Variants in PCDHA7 observed in about 807,000 individuals in gnomAD.
The protein encoded by PCDHA7 is protocadherin alpha 7.
Under a neutral mutation model 57.2 loss-of-function variants are expected in PCDHA7, and 37 were observed. The ratio of observed to expected loss-of-function variants is 0.65; its 90% CI spans 0.50 to 0.85. The LOEUF (loss-of-function observed/expected upper bound fraction) is 0.85, where lower values mean the gene tolerates loss of function less well. Among genes scored for constraint, PCDHA7 ranks in the 40% least tolerant of loss-of-function variants. The pLI is 0.00. For synonymous variants in PCDHA7, 553 were observed against 558.8 expected (o/e 0.99, Z 0.15); for missense variants, 1,188 against 1,241.8 (o/e 0.96, Z 0.65).
At chr5:140,866,711 G>A (rs1554160494) in intron 1 of PCDHA7, 1 of 152,110 alleles carries the variant, frequency 6.6e-6, no homozygotes, top group African/African-American at 2.4e-5. Flanking sequence ...ACGTGCACTA[G>A]TAAGACATTA....
intron 1 of PCDHA7, chr5:140,852,664 G>A (rs1307508258): frequency 4.1e-6 from 4 of 964,750 alleles, no homozygotes; most frequent in African/African-American, 1.8e-5. Flanking sequence ...CTGTCTATCA[G>A]CACAACTCAC....
chr5:140,873,785 C>T (rs1035020245), intron 1 of PCDHA7, among the ~76,000 whole-genome samples: 2 of 152,146 alleles, frequency 1.3e-5, no homozygotes, highest in Non-Finnish European at 2.9e-5. Flanking sequence ...CTCAGCTTTC[C>T]GAGAAGCTGG....
intron 1 of PCDHA7, chr5:140,858,620 C>G: frequency 1.8e-6 from 2 of 1,142,316 alleles, no homozygotes; most frequent in East Asian, 5.1e-5. Flanking sequence ...TTATCCTACC[C>G]AGTGTGTCAG....
chr5:140,851,638 T>A (rs2042116024), intron 1 of PCDHA7: 2 of 915,858 alleles, frequency 2.2e-6, no homozygotes, highest in Non-Finnish European at 2.7e-6. Context: ...AAGTGTTTCC[T>A]TTCTTCAAGA....
intron 1 of PCDHA7, among the ~76,000 whole-genome samples, chr5:140,915,155 G>T (rs941034401): frequency 1.3e-5 from 2 of 151,934 alleles, no homozygotes; most frequent in Non-Finnish European, 2.9e-5. Flanking sequence ...CACCATGTTG[G>T]CCAGGATAGT....
intron 1 of PCDHA7, chr5:140,928,753 G>A (rs782483181): frequency 1.2e-6 from 2 of 1,614,142 alleles, no homozygotes; most frequent in Non-Finnish European, 8.5e-7. Flanking sequence ...GCTCCGTACT[G>A]CTCGCTTAGT....
chr5:140,915,626 GTC>G (rs57920489), intron 1 of PCDHA7, among the ~76,000 whole-genome samples: 12,146 of 145,794 alleles, frequency 0.083, 491 homozygotes, highest in Middle Eastern at 0.12. Context: ...GTCTCTTTCT[GTC>G]TCTCTCTCTC....
intron 1 of PCDHA7, among the ~76,000 whole-genome samples, chr5:140,971,538 C>T (rs1162304462): frequency 6.6e-6 from 1 of 152,122 alleles, no homozygotes; most frequent in African/African-American, 2.4e-5. Flanking sequence ...GTCATCATTG[C>T]CAGATCAACC....
At chr5:140,884,044 G>A (rs374333847) in intron 1 of PCDHA7, 16 of 1,613,358 alleles carry the variant, frequency 9.9e-6, no homozygotes, top group Non-Finnish European at 1.4e-5. Context: ...ACGTGGTGGC[G>A]AAGGTGCGCG....
At chr5:140,861,618 C>T (rs1035938345) in intron 1 of PCDHA7, 1 of 340,802 alleles carries the variant, frequency 2.9e-6, no homozygotes, top group Non-Finnish European at 6.0e-6. Flanking sequence ...AGACAACCTG[C>T]CAGTGTTCTC....
intron 1 of PCDHA7, chr5:140,863,395 G>A: frequency 1.1e-6 from 1 of 921,404 alleles, no homozygotes; most frequent in Non-Finnish European, 1.7e-6. Flanking sequence ...GTGCATGCCG[G>A]GCAAGCCCAC....
Position 140,927,758 on chromosome 5 carries a change from A to C in PCDHA7, c.2356-51191A>C, listed in dbSNP as rs781942462. 3 of 1,614,170 alleles carry C rather than the reference A, an allele frequency of 1.9e-6. No individual in the cohort carries two copies. In the South Asian group the frequency reaches 3.3e-5, roughly 18 times the overall value. Reference sequence around the variant, plus strand: ...CGACACCGCTTTCACGTGCACCCTAAAAGTGGGGAGGTGCAAGTAGCTGCT... The same window carrying C: ...CGACACCGCTTTCACGTGCACCCTACAAGTGGGGAGGTGCAAGTAGCTGCT... On this transcript the variant is annotated intron_variant, in intron 1 of 3. Transcript: ENST00000525929.
At chr5:140,869,099 A>G in intron 1 of PCDHA7, 1 of 1,596,446 alleles carries the variant, frequency 6.3e-7, no homozygotes, top group African/African-American at 1.3e-5. Flanking sequence ...CCAATTTCGT[A>G]TGCGATGTTT....
At chr5:140,851,140 G>A in intron 1 of PCDHA7, 2 of 1,310,362 alleles carry the variant, frequency 1.5e-6, no homozygotes, top group East Asian at 5.4e-5. Context: ...TGATTAAAGT[G>A]ACATTGAATT....
At chr5:140,839,704 A>G (rs1229800703) in intron 1 of PCDHA7, among the ~76,000 whole-genome samples, 4 of 152,070 alleles carry the variant, frequency 2.6e-5, no homozygotes, top group Admixed American at 6.6e-5. Context: ...AAATAATGTG[A>G]TGACAAATTT....
At chr5:140,906,719 T>C (rs1282384270) in intron 1 of PCDHA7, among the ~76,000 whole-genome samples, 1 of 152,218 alleles carries the variant, frequency 6.6e-6, no homozygotes, top group East Asian at 1.9e-4. Flanking sequence ...GCCTGGATTG[T>C]GCTGTTGTAG....
chr5:141,004,604 C>A (rs1282201587), intron 3 of PCDHA7, among the ~76,000 whole-genome samples: 1 of 152,176 alleles, frequency 6.6e-6, no homozygotes, highest in African/African-American at 2.4e-5. Context: ...GTGCTTAGGC[C>A]TCATGCAGAG....
intron 3 of PCDHA7, among the ~76,000 whole-genome samples, chr5:141,006,464 C>T (rs1243356826): frequency 5.9e-5 from 9 of 152,100 alleles, no homozygotes; most frequent in African/African-American, 1.7e-4. Context: ...CTGCCTGTCT[C>T]GGCCTCCCAA....
chr5:140,855,992 T>A lies in PCDHA7; in HGVS notation c.2355+19254T>A, dbSNP rs2043714140. On this transcript the variant is annotated intron_variant, in intron 1 of 3. Transcript: ENST00000525929. ...AAGAAATAGGACAGAAAATGTCAGA[T>A]CGTATGTGCGTTCTAGACCGCTGAT... 1.6e-5 allele frequency: 24 copies of A among 1,492,840 alleles called. 4 individuals carry two copies. The highest frequency in any genetic ancestry group is 1.2e-4 in the South Asian group (9 of 76,326). 92.5% of individuals were successfully genotyped at this position (1,492,840 alleles called of 1,614,324 possible).
Sources: allele counts gnomAD v4.1 joint callset (sites outside exome capture counted in the v4.1 genomes callset), GRCh38; gene constraint gnomAD v4.1.1; transcripts MANE v1.5; gene names NCBI Gene and HGNC (gene_info 2026-07-23, HGNC 2026-07-21).